Variants in ASH1L observed in about 807,000 individuals in gnomAD.
The protein encoded by ASH1L is histone-lysine N-methyltransferase ASH1L.
Under a neutral mutation model 269.0 loss-of-function variants are expected in ASH1L, and 23 were observed. That is an observed-to-expected ratio of 0.09 (90% CI 0.06 to 0.12). The LOEUF (loss-of-function observed/expected upper bound fraction) is 0.12. ASH1L is among the 10% of genes least tolerant of loss of function. The probability of loss-of-function intolerance (pLI) is 1.00; values close to 1 mark genes in which losing one functional copy is unlikely to be tolerated. For missense variants in ASH1L, 2,912 were observed against 3,567.8 expected (o/e 0.82, Z 4.68); for synonymous variants, 1,187 against 1,253.5 (o/e 0.95, Z 1.12).
intron 6 of ASH1L, among the ~76,000 whole-genome samples, chr1:155,413,565 C>T (rs1659972910): frequency 6.6e-6 from 1 of 152,168 alleles, no homozygotes; most frequent in South Asian, 2.1e-4. Flanking sequence ...CGAGATCGTG[C>T]CATTGCACTC....
rs765774025 is a variant in ASH1L at position 155,344,230 on chromosome 1, C to T, written c.7934G>A (p.Cys2645Tyr). Residue 2645 changes from cysteine to tyrosine, a missense_variant, in exon 22 of 28, where the codon TGT becomes TAT. By Grantham distance (194) the Cys-to-Tyr change is radical (BLOSUM62 -2). Transcript: ENST00000392403. Reference protein sequence around the residue: ...IPRPHYAQPGCVYFICLLRDD... With the variant: ...IPRPHYAQPGYVYFICLLRDD... Reference sequence around the variant, plus strand: ...TCGGAGCAAACAGATGAAGTAGACACAGCCAGGTTGGGCATAGTGGGGCCG... The same window carrying T: ...TCGGAGCAAACAGATGAAGTAGACATAGCCAGGTTGGGCATAGTGGGGCCG... 5 of 1,614,138 alleles carry T rather than the reference C, an allele frequency of 3.1e-6. No individual in the cohort carries two copies. The South Asian group carries it at 5.5e-5, about 18-fold the overall frequency.
intron 4 of ASH1L, among the ~76,000 whole-genome samples, chr1:155,451,370 C>T (rs182630823): frequency 2.6e-3 from 389 of 152,170 alleles, no homozygotes; most frequent in Admixed American, 6.3e-3. Context: ...TTAATGGATA[C>T]AGAGTTTCAG....
In ASH1L at chr1:155,479,950, T is replaced by C; in HGVS notation, c.2920A>G (p.Asn974Asp). 1 of 1,613,714 alleles carries C rather than the reference T, an allele frequency of 6.2e-7. No individual in the cohort carries two copies. The highest frequency in any genetic ancestry group is 8.5e-7 in the Non-Finnish European group (1 of 1,179,932). ...MEPDKKITKR[N>D]NGQLMKTIIR... ...ATTGTTTTCATTAATTGTCCATTGT[T>C]TCTCTTGGTAATTTTTTTATCTGGT... The change falls in exon 3 of 28, where the codon AAC (asparagine) becomes GAC (aspartate). Residue 974 changes from asparagine to aspartate, a missense_variant. Asn to Asp is a conservative substitution (Grantham distance 23, BLOSUM62 1). Coordinates refer to ENST00000392403, the MANE Select transcript of ASH1L (RefSeq NM_018489.3).
At chr1:155,501,341 A>T (rs748212898) in intron 2 of ASH1L, among the ~76,000 whole-genome samples, 12 of 151,988 alleles carry the variant, frequency 7.9e-5, no homozygotes, top group Non-Finnish European at 1.8e-4. Context: ...CCAACTTCAA[A>T]ATGTTTTCTT....
chr1:155,497,819 G>A (rs1335435036), intron 2 of ASH1L, among the ~76,000 whole-genome samples: 4 of 150,850 alleles, frequency 2.7e-5, no homozygotes, highest in South Asian at 2.1e-4. Flanking sequence ...GCACGATCTC[G>A]GCTCACTGCA....
At chr1:155,493,585 A>T (rs1666952836) in intron 2 of ASH1L, among the ~76,000 whole-genome samples, 1 of 152,070 alleles carries the variant, frequency 6.6e-6, no homozygotes, top group Non-Finnish European at 1.5e-5. Flanking sequence ...TTCATTTTTC[A>T]GGGGGGGCAT....
In ASH1L at chr1:155,478,026, C is replaced by T; in HGVS notation, c.4844G>A (p.Arg1615Lys). The T allele has an allele frequency of 6.2e-7, 1 of 1,614,202 alleles. No homozygotes were observed. Among genetic ancestry groups the T allele is most frequent in the Non-Finnish European group, 8.5e-7 (1 of 1,180,042 alleles). ...GCCACTGGAGTTAGGGTTTGAAACTCTGCAGCTGCCTATTGCACTTGTGAA... is the reference window on the plus strand; with the variant it reads ...GCCACTGGAGTTAGGGTTTGAAACTTTGCAGCTGCCTATTGCACTTGTGAA... ...NLFTSAIGSC[R>K]VSNPNSSGRK... Residue 1615 changes from arginine (R) to lysine (K), a missense_variant, in exon 3 of 28, where the codon AGA (arginine) becomes AAA (lysine). Arg to Lys is a conservative substitution (Grantham distance 26). This residue lies in a region of ASH1L where 789 missense variants were observed against 897.6 expected (regional missense o/e 0.88). Coordinates refer to ENST00000392403, the MANE Select transcript of ASH1L (RefSeq NM_018489.3). The surrounding 1 kb of genome is among the most constrained non-coding windows in gnomAD (Gnocchi z 4.6).
chr1:155,471,218 A>G (rs1277181756), intron 3 of ASH1L, among the ~76,000 whole-genome samples: 2 of 152,244 alleles, frequency 1.3e-5, no homozygotes, highest in Non-Finnish European at 2.9e-5. Context: ...ACTTATGATC[A>G]AGTAAAGAAT....
intron 5 of ASH1L, among the ~76,000 whole-genome samples, chr1:155,417,675 C>T (rs905853956): frequency 6.6e-6 from 1 of 152,108 alleles, no homozygotes; most frequent in Admixed American, 6.6e-5. Flanking sequence ...CTAGCCTTCA[C>T]TGGTGGGGCG....
chr1:155,406,717 A>G (rs917251021), intron 6 of ASH1L, among the ~76,000 whole-genome samples: 1 of 152,148 alleles, frequency 6.6e-6, no homozygotes, highest in Non-Finnish European at 1.5e-5. Flanking sequence ...ATAAATAAAT[A>G]AAAAAGCTAT....
intron 2 of ASH1L, among the ~76,000 whole-genome samples, chr1:155,492,127 C>T (rs1666847449): frequency 6.6e-6 from 1 of 151,338 alleles, no homozygotes; most frequent in Non-Finnish European, 1.5e-5. Flanking sequence ...CCTCTGCCTC[C>T]CAGGTTGAAG....
chr1:155,359,023 G>C (rs1032309077), intron 13 of ASH1L, among the ~76,000 whole-genome samples: 1 of 152,122 alleles, frequency 6.6e-6, no homozygotes, highest in African/African-American at 2.4e-5. Flanking sequence ...AGAAGGTTAT[G>C]GTGGGAAGAT....
chr1:155,379,522 G>T (rs557927046), intron 8 of ASH1L, among the ~76,000 whole-genome samples: 5 of 152,116 alleles, frequency 3.3e-5, no homozygotes, highest in African/African-American at 1.2e-4. Context: ...TTTCAATTTG[G>T]GAAGCAAGAG....
intron 15 of ASH1L, 33 bp from the exon 16 acceptor site, chr1:155,354,663 C>T (rs1210505139): frequency 1.9e-6 from 3 of 1,594,072 alleles, no homozygotes; most frequent in Admixed American, 1.8e-5. Flanking sequence ...TTCCTTTATT[C>T]ATTAATTAAA....
chr1:155,562,446 A>T lies in ASH1L; in HGVS notation c.-393T>A. On this transcript the variant is annotated 5_prime_UTR_variant, in exon 1 of 28. Transcript: ENST00000392403. The stretch of plus-strand genomic sequence containing the variant: ...CGGGAGCGGCGGCGGCGGCGGCGGC[A>T]GCAGCAGAGTGGCGGCGGTGGCGGC... 1 of 1,458,902 alleles carries T rather than the reference A, an allele frequency of 6.9e-7. No individual in the cohort carries two copies. The highest frequency in any genetic ancestry group is 1.2e-5 in the South Asian group (1 of 82,344). The allele number at this position is 1,458,902 out of a possible 1,614,324, so 90.4% of individuals were successfully genotyped here.
At chr1:155,399,965 C>A (rs1263376866) in intron 6 of ASH1L, among the ~76,000 whole-genome samples, 1 of 152,024 alleles carries the variant, frequency 6.6e-6, no homozygotes, top group Non-Finnish European at 1.5e-5. Context: ...ATAGGTTACA[C>A]AAGATAAGGG....
Position 155,480,028 on chromosome 1 carries a change from G to C in ASH1L, c.2842C>G (p.Leu948Val), listed in dbSNP as rs766405091. 1 of 1,614,000 alleles carries C rather than the reference G, an allele frequency of 6.2e-7. No homozygotes were observed. Among genetic ancestry groups the C allele is most frequent in the Admixed American group, 1.7e-5 (1 of 60,008 alleles). The change falls in exon 3 of 28, where the codon CTA becomes GTA. Residue 948 changes from leucine (L) to valine (V), a missense_variant. Leu to Val is a conservative substitution (Grantham distance 32, BLOSUM62 1). Coordinates refer to ENST00000392403, the MANE Select transcript of ASH1L (RefSeq NM_018489.3). ...ACACTTGGCCTATGACTGTCATCTAGGTCATCTGGATCCTGAAGTTGATCC... is the reference window on the plus strand; with the variant it reads ...ACACTTGGCCTATGACTGTCATCTACGTCATCTGGATCCTGAAGTTGATCC... ...SEDQLQDPDDLDDSHRPSVCS... is the reference protein window; with the variant it reads ...SEDQLQDPDDVDDSHRPSVCS...
At chr1:155,354,672 A>C (rs1654214311) in intron 15 of ASH1L, 42 bp from the exon 16 acceptor site, 1 of 1,582,708 alleles carries the variant, frequency 6.3e-7, no homozygotes, top group Middle Eastern at 1.7e-4. Flanking sequence ...TCATTAATTA[A>C]ATAAGCATGT....
intron 7 of ASH1L, among the ~76,000 whole-genome samples, chr1:155,389,619 G>A (rs866155093): frequency 6.6e-6 from 1 of 151,936 alleles, no homozygotes; most frequent in African/African-American, 2.4e-5. Context: ...AATGCAGAGA[G>A]CCAAGATCAC....
Sources: gnomAD v4.1 joint callset for allele counts (sites outside exome capture counted in the v4.1 genomes callset) on GRCh38, gnomAD v4.1.1 for gene constraint, gnomAD v4.1.1 regional missense constraint, Gnocchi (gnomAD v3.1) non-coding constraint, MANE v1.5 for transcripts, NCBI Gene and HGNC (gene_info 2026-07-23, HGNC 2026-07-21) for gene names.